ATP10B: variants seen among roughly 807,000 people sequenced by gnomAD.
ATP10B encodes ATPase phospholipid transporting 10B (putative).
Under a neutral mutation model 141.2 loss-of-function variants are expected in ATP10B, and 122 were observed. The observed-to-expected ratio is 0.86, with a 90% CI of 0.75 to 1.00. The LOEUF (loss-of-function observed/expected upper bound fraction) is 1.00, where lower values mean the gene tolerates loss of function less well. Among genes scored for constraint, ATP10B ranks in the 50% least tolerant of loss-of-function variants. The pLI is 0.00. For synonymous variants in ATP10B, 685 were observed against 692.0 expected (o/e 0.99, Z 0.16); for missense variants, 1,876 against 1,825.3 (o/e 1.03, Z -0.51).
chr5:160,841,470 G>T (rs1028964400), intron 1 of ATP10B, among the ~76,000 whole-genome samples: 3 of 152,142 alleles, frequency 2.0e-5, no homozygotes, highest in Non-Finnish European at 4.4e-5. Context: ...AGAAATACAG[G>T]AGGCAGTGTC....
chr5:160,878,511 C>T, the ATP10B span, among the ~76,000 whole-genome samples: 3 of 152,162 alleles, frequency 2.0e-5, no homozygotes, highest in African/African-American at 4.8e-5. Flanking sequence ...AAAGCAATGG[C>T]AACAGAAGAC....
chr5:160,893,551 G>A, the ATP10B span, among the ~76,000 whole-genome samples: 1 of 152,172 alleles, frequency 6.6e-6, no homozygotes, highest in Non-Finnish European at 1.5e-5. Context: ...CCCCAATCAA[G>A]AGCTTATAGA....
chr5:160,722,910 G>T (rs1766083605), intron 2 of ATP10B, among the ~76,000 whole-genome samples: 1 of 152,156 alleles, frequency 6.6e-6, no homozygotes, highest in Non-Finnish European at 1.5e-5. Flanking sequence ...GAACAACCAG[G>T]TGCATTGATT....
chr5:160,749,982 T>C (rs1768049036), intron 2 of ATP10B, among the ~76,000 whole-genome samples: 1 of 152,200 alleles, frequency 6.6e-6, no homozygotes, highest in Admixed American at 6.5e-5. Flanking sequence ...TTACCAACGG[T>C]GAAATTAAAT....
intron 1 of ATP10B, among the ~76,000 whole-genome samples, chr5:160,797,697 T>C (rs1339644172): frequency 2.0e-5 from 3 of 152,204 alleles, no homozygotes; most frequent in African/African-American, 7.2e-5. Context: ...GAACTGCTGG[T>C]GTTCAAACCT....
At chr5:160,685,076 T>C in intron 6 of ATP10B, 3 of 703,652 alleles carry the variant, frequency 4.3e-6, no homozygotes, top group South Asian at 3.0e-5. Context: ...GACAACACGG[T>C]GTACTTGCTG....
chr5:160,793,545 C>T (rs1682823078), intron 1 of ATP10B, among the ~76,000 whole-genome samples: 1 of 152,178 alleles, frequency 6.6e-6, no homozygotes, highest in Non-Finnish European at 1.5e-5. Context: ...CGATGGTAGT[C>T]CTGTAAGGTT....
At position 160,636,565 on chromosome 5, in the gene ATP10B, G is replaced by T. The variant is rs570212189; in HGVS notation, c.1001-256C>A. Among the ~76,000 whole-genome samples the T allele has an allele frequency of 2.6e-5, 4 of 152,284 alleles. No homozygotes were observed. In the South Asian group the frequency reaches 8.3e-4, roughly 32 times the overall value. ...TTTTACAAGAGGAGATTGGCATGAG[G>T]ATTACTTCTGTTTTGATTAAGTCTT... On this transcript the variant is annotated intron_variant, in intron 10 of 25. Transcript: ENST00000327245.
intron 16 of ATP10B, among the ~76,000 whole-genome samples, chr5:160,616,764 A>T (rs1758044380): frequency 6.6e-6 from 1 of 152,338 alleles, no homozygotes; most frequent in Non-Finnish European, 1.5e-5. Flanking sequence ...GGGAACAAGT[A>T]GGCCTTTTGC....
Position 160,656,814 on chromosome 5 carries a change from T to C in ATP10B, c.676-7558A>G, listed in dbSNP as rs10476329. On this transcript the variant is annotated intron_variant, in intron 7 of 25. Transcript: ENST00000327245. ...ATTAGGAAATATCATTCACGAAAGATTCTGTCGATTGAAGAAAGGGAAACC... is the reference window on the plus strand; with the variant it reads ...ATTAGGAAATATCATTCACGAAAGACTCTGTCGATTGAAGAAAGGGAAACC... 4.6e-3 allele frequency among the ~76,000 whole-genome samples: 694 copies of C among 152,212 alleles called. 3 individuals are homozygous for C. The highest frequency in any genetic ancestry group is 0.015 in the African/African-American group (609 of 41,544).
chr5:160,816,245 A>G (rs1773613028), intron 1 of ATP10B, among the ~76,000 whole-genome samples: 1 of 131,346 alleles, frequency 7.6e-6, no homozygotes, highest in Non-Finnish European at 1.8e-5. Context: ...AAAAATTGAG[A>G]GACTGCTAGC....
intron 18 of ATP10B, among the ~76,000 whole-genome samples, chr5:160,607,429 T>C (rs1757457080): frequency 6.6e-6 from 1 of 152,228 alleles, no homozygotes; most frequent in African/African-American, 2.4e-5. Flanking sequence ...GTGCTTTCTA[T>C]TTCTCACAGG....
chr5:160,848,673 G>T (rs1000481259), intron 1 of ATP10B, among the ~76,000 whole-genome samples: 1 of 152,170 alleles, frequency 6.6e-6, no homozygotes, highest in African/African-American at 2.4e-5. Context: ...GCTACCTAAA[G>T]ACATCAAAAT....
At chr5:160,886,941 C>T in the ATP10B span, among the ~76,000 whole-genome samples, 11 of 152,204 alleles carry the variant, frequency 7.2e-5, no homozygotes, top group African/African-American at 2.7e-4. Flanking sequence ...TTTATTTTTA[C>T]CCTCCAGCAG....
At position 160,852,111 on chromosome 5, in the gene ATP10B, C is replaced by G. The variant is rs184669518; in HGVS notation, c.-746G>C. 6.6e-6 allele frequency: 1 copy of G among 152,134 alleles called. No homozygotes were observed. The highest frequency in any genetic ancestry group is 2.4e-5 in the African/African-American group (1 of 41,414). The allele number at this position is 152,134 out of a possible 1,614,324, so 9.4% of individuals were successfully genotyped here. On this transcript the variant is annotated 5_prime_UTR_variant, in exon 1 of 26. Coordinates refer to ENST00000327245, the MANE Select transcript of ATP10B (RefSeq NM_025153.3). ...CAAGGCAAGGCCTCAAGCTAACACT[C>G]CCTCAGAAACTTAGAGAAGATGACA...
At chr5:160,925,307 C>G in the ATP10B span, among the ~76,000 whole-genome samples, 6 of 152,192 alleles carry the variant, frequency 3.9e-5, no homozygotes, top group Non-Finnish European at 8.8e-5. Context: ...GCAGCAGCAG[C>G]AAACTTTTGA....
At position 160,727,773 on chromosome 5, in the gene ATP10B, G is replaced by GCAA. The variant is rs374342186; in HGVS notation, c.-330-10742_-330-10740dup. 2.1e-4 allele frequency among the ~76,000 whole-genome samples: 32 copies of GCAA among 152,248 alleles called. No individual in the cohort carries two copies. The East Asian group carries it at 5.2e-3, about 25-fold the overall frequency. ...AGGTTAAACCTACAGCCTGAGTCAT[G>GCAA]CAACACCCTCTTCCAAATGAGTAGC... On this transcript the variant is annotated intron_variant, in intron 2 of 25. Coordinates refer to ENST00000327245, the MANE Select transcript of ATP10B (RefSeq NM_025153.3).
At chr5:160,902,537 A>G in the ATP10B span, among the ~76,000 whole-genome samples, 1 of 152,198 alleles carries the variant, frequency 6.6e-6, no homozygotes, top group East Asian at 1.9e-4. Flanking sequence ...CATTTGATGA[A>G]ACAAAGAATG....
chr5:160,706,864 A>G (rs986778560), intron 3 of ATP10B, among the ~76,000 whole-genome samples: 4 of 152,210 alleles, frequency 2.6e-5, no homozygotes, highest in African/African-American at 9.6e-5. Context: ...GACTGGCCTT[A>G]GTGTCACAGT....
Sources: allele counts gnomAD v4.1 joint callset (sites outside exome capture counted in the v4.1 genomes callset), GRCh38; gene constraint gnomAD v4.1.1; transcripts MANE v1.5; gene names NCBI Gene and HGNC (gene_info 2026-07-23, HGNC 2026-07-21).